The following SPA17 variants were observed in gnomAD, a reference collection of about 807,000 sequenced individuals.
SPA17 encodes sperm autoantigenic protein 17.
In SPA17, 7 loss-of-function variants were observed where a neutral mutation model predicts 13.8. The observed-to-expected ratio is 0.51, with a 90% CI of 0.29 to 0.95. The LOEUF (loss-of-function observed/expected upper bound fraction) is 0.95. Ranked by LOEUF, SPA17 falls within the 40% of genes least tolerant of loss-of-function variation. The pLI is 0.08. For missense variants in SPA17, 170 were observed against 179.3 expected (o/e 0.95, Z 0.30); for synonymous variants, 61 against 59.0 (o/e 1.03, Z -0.16).
At position 124,675,253 on chromosome 11, in the gene SPA17, C is replaced by T. The variant is rs1472950027; in HGVS notation, c.-12C>T. The T allele has an allele frequency of 6.2e-7, 1 of 1,610,396 alleles. No homozygotes were observed. The highest frequency in any genetic ancestry group is 1.7e-5 in the Admixed American group (1 of 59,118). On this transcript the variant is annotated 5_prime_UTR_variant, in exon 2 of 5. Coordinates refer to ENST00000227135, the MANE Select transcript of SPA17 (RefSeq NM_017425.4). ...GAATCTTTAGGTTCCATAGGCAGTT[C>T]TTACCAAGAAGATGTCGATTCCATT...
At position 124,694,370 on chromosome 11, in the gene SPA17, G is replaced by A; in HGVS notation, c.380G>A (p.Gly127Glu). Reference protein sequence around the residue: ...AAVKIQAAFRGHIAREEAKKM... With the variant: ...AAVKIQAAFREHIAREEAKKM... ...GTCAAAATCCAAGCTGCCTTCCGGG[G>A]ACACATAGCCAGAGAGGAGGCAAAG... The change falls in exon 5 of 5, where the codon GGA becomes GAA. Residue 127 changes from glycine to glutamate, a missense_variant. Transcript: ENST00000227135. 1 of 1,613,940 alleles carries A rather than the reference G, an allele frequency of 6.2e-7. No individual in the cohort carries two copies. Among genetic ancestry groups the A allele is most frequent in the Non-Finnish European group, 8.5e-7 (1 of 1,179,972 alleles).
At chr11:124,684,236 A>G (rs1943555266) in intron 3 of SPA17, among the ~76,000 whole-genome samples, 1 of 152,066 alleles carries the variant, frequency 6.6e-6, no homozygotes, top group Non-Finnish European at 1.5e-5. Context: ...GTATTTCTTC[A>G]TAGCAGTGTA....
intron 4 of SPA17, 22 bp from the exon 5 acceptor site, chr11:124,694,277 TCTTA>T (rs765972752): frequency 6.2e-7 from 1 of 1,601,318 alleles, no homozygotes; most frequent in South Asian, 1.1e-5. Context: ...TTAAAGAGTC[TCTTA>T]CTTTTTCTCC....
intron 3 of SPA17, among the ~76,000 whole-genome samples, chr11:124,684,746 A>T (rs990749088): frequency 3.3e-5 from 5 of 152,334 alleles, no homozygotes; most frequent in African/African-American, 1.2e-4. Flanking sequence ...GCTGATAGTG[A>T]TATGGACAAC....
intron 2 of SPA17, among the ~76,000 whole-genome samples, chr11:124,680,543 G>A (rs575397745): frequency 6.6e-5 from 10 of 152,210 alleles, no homozygotes; most frequent in East Asian, 1.9e-4. Context: ...GCCCGTTTTC[G>A]GGGTCCTGAT....
intron 3 of SPA17, among the ~76,000 whole-genome samples, chr11:124,690,017 A>G (rs138492010): frequency 6.6e-6 from 1 of 152,312 alleles, no homozygotes; most frequent in Non-Finnish European, 1.5e-5. Flanking sequence ...GTTGTCAGGA[A>G]TGTAAATTAG....
At chr11:124,678,865 C>T (rs1943499605) in intron 2 of SPA17, among the ~76,000 whole-genome samples, 1 of 152,042 alleles carries the variant, frequency 6.6e-6, no homozygotes, top group South Asian at 2.1e-4. Flanking sequence ...CCATGCCCAA[C>T]TTTGTTTATA....
intron 2 of SPA17, among the ~76,000 whole-genome samples, chr11:124,680,203 G>C (rs943158208): frequency 6.6e-6 from 1 of 152,030 alleles, no homozygotes; most frequent in Non-Finnish European, 1.5e-5. Flanking sequence ...TCAGGGGGCC[G>C]ATAAAAATTA....
At chr11:124,682,934 T>C (rs1943542540) in intron 3 of SPA17, among the ~76,000 whole-genome samples, 1 of 149,794 alleles carries the variant, frequency 6.7e-6, no homozygotes. Context: ...CCACAGCACA[T>C]TAAAATCAAA....
intron 3 of SPA17, among the ~76,000 whole-genome samples, chr11:124,684,165 T>G (rs12794898): frequency 0.069 from 10,480 of 152,224 alleles, 403 homozygotes; most frequent in Non-Finnish European, 0.084. Context: ...TGAGGCCTCC[T>G]CAGCCATGCA....
chr11:124,683,319 C>A (rs1257688357), intron 3 of SPA17, among the ~76,000 whole-genome samples: 4 of 151,938 alleles, frequency 2.6e-5, no homozygotes, highest in Admixed American at 6.6e-5. Context: ...AGCGACCACA[C>A]AAAGGAGGAA....
intron 2 of SPA17, among the ~76,000 whole-genome samples, chr11:124,679,746 C>T (rs542022059): frequency 8.5e-5 from 13 of 152,124 alleles, no homozygotes; most frequent in African/African-American, 1.7e-4. Flanking sequence ...TTAGGCTGAA[C>T]GTCTTGCCAT....
At chr11:124,692,284 T>C (rs2134419512) in intron 4 of SPA17, among the ~76,000 whole-genome samples, 1 of 152,198 alleles carries the variant, frequency 6.6e-6, no homozygotes, top group Middle Eastern at 3.4e-3. Flanking sequence ...ATCCAAGCAG[T>C]CAAGACATAG....
intron 2 of SPA17, 144 bp downstream of exon 2, chr11:124,675,562 A>G (rs755223915): frequency 5.2e-6 from 4 of 771,712 alleles, no homozygotes; most frequent in African/African-American, 1.8e-5. Context: ...TCTTTGAAAC[A>G]GTATGTACCT....
chr11:124,680,147 C>T (rs1439374491), intron 2 of SPA17, among the ~76,000 whole-genome samples: 2 of 152,086 alleles, frequency 1.3e-5, no homozygotes, highest in African/African-American at 4.8e-5. Context: ...CAAATTAGAG[C>T]ATTACCATTT....
intron 4 of SPA17, among the ~76,000 whole-genome samples, chr11:124,693,809 G>C (rs1368867489): frequency 6.6e-6 from 1 of 152,074 alleles, no homozygotes; most frequent in Non-Finnish European, 1.5e-5. Flanking sequence ...TGTTAAAACT[G>C]ACATTATTGG....
In SPA17 at chr11:124,694,406, CAAAT is replaced by C. The variant is rs1251208076; in HGVS notation, c.418_421del (p.Asn140ValfsTer24). ...AGAGAGGAGGCAAAGAAAATGAAAA[CAAAT>C]AGTCTTCAAAATGAGGAAAAAGAGG... is the stretch of plus-strand genomic sequence containing the variant. On this transcript the variant is annotated frameshift_variant, in exon 5 of 5. Transcript: ENST00000227135. LOFTEE classifies it low-confidence loss of function (END_TRUNC). 6.2e-7 allele frequency: 1 copy of C among 1,613,454 alleles called. No homozygotes were observed. Among genetic ancestry groups the C allele is most frequent in the South Asian group, 1.1e-5 (1 of 90,906 alleles).
In SPA17 at chr11:124,695,892, C is replaced by T. The variant is rs1283897677; in HGVS notation, c.*1446C>T. On this transcript the variant is annotated 3_prime_UTR_variant, in exon 5 of 5. Coordinates refer to ENST00000227135, the MANE Select transcript of SPA17 (RefSeq NM_017425.4). ...CTTTGATCCTTGTCCTAGGCTTAGACATGCTCTTTCTGCAAAGCAGTTTTA... is the reference window on the plus strand; with the variant it reads ...CTTTGATCCTTGTCCTAGGCTTAGATATGCTCTTTCTGCAAAGCAGTTTTA... 3.3e-5 allele frequency: 5 copies of T among 152,252 alleles called. No homozygotes were observed. The highest frequency in any genetic ancestry group is 4.8e-5 in the African/African-American group (2 of 41,464). 9.4% of individuals were successfully genotyped at this position (152,252 alleles called of 1,614,324 possible).
Position 124,694,716 on chromosome 11 carries a change from G to C in SPA17, c.*270G>C, listed in dbSNP as rs568658779. The C allele has an allele frequency of 3.5e-6, 1 of 288,218 alleles. No homozygotes were observed. The highest frequency in any genetic ancestry group is 2.2e-5 in the African/African-American group (1 of 45,194). 17.9% of individuals were successfully genotyped at this position (288,218 alleles called of 1,614,324 possible). ...TTAGAATTATAGAACTAAAGTATCT[G>C]AGATTACAGAGATCTCAGAGGTTAT... On this transcript the variant is annotated 3_prime_UTR_variant, in exon 5 of 5. Coordinates refer to ENST00000227135, the MANE Select transcript of SPA17 (RefSeq NM_017425.4).
Sources: allele counts gnomAD v4.1 joint callset (sites outside exome capture counted in the v4.1 genomes callset), GRCh38; gene constraint gnomAD v4.1.1; transcripts MANE v1.5; gene names NCBI Gene and HGNC (gene_info 2026-07-23, HGNC 2026-07-21).